The following TRIM52 variants were observed in gnomAD, a reference collection of about 807,000 sequenced individuals.
TRIM52 encodes E3 ubiquitin-protein ligase TRIM52.
In TRIM52, 24 loss-of-function variants were observed where a neutral mutation model predicts 27.0. That is an observed-to-expected ratio of 0.89 (90% CI 0.64 to 1.25). The LOEUF is 1.25. Ranked by LOEUF, TRIM52 falls within the 50% of genes most tolerant of loss-of-function variation. The pLI, the probability that TRIM52 is intolerant of heterozygous loss-of-function variation, is 0.00. For synonymous variants in TRIM52, 125 were observed against 126.5 expected, an observed-to-expected ratio of 0.99 and a Z score of 0.08; for missense variants, 351 against 354.7, an observed-to-expected ratio of 0.99 and a Z score of 0.08.
At chr5:181,249,833 T>G (rs1759597126), downstream of TRIM52, among the ~76,000 whole-genome samples, 1 of 148,964 alleles carries the variant, frequency 6.7e-6, no homozygotes, top group Non-Finnish European at 1.5e-5. Flanking sequence ...TGCAGTTTTT[T>G]TTTTTTTTTT....
Position 181,260,035 on chromosome 5 carries a change from A to G in TRIM52, c.779T>C (p.Val260Ala). 6.2e-7 allele frequency: 1 copy of G among 1,614,150 alleles called. No homozygotes were observed. Among genetic ancestry groups the G allele is most frequent in the Non-Finnish European group, 8.5e-7 (1 of 1,180,044 alleles). Reference protein sequence around the residue: ...RESRSHKQHSVLPLEEVVQEY... With the variant: ...RESRSHKQHSALPLEEVVQEY... ...CTGCACCACCTCCTCCAAAGGCAGC[A>G]CGCTGTGCTGTTTGTGGCTCCTGGA... is the stretch of plus-strand genomic sequence containing the variant. Residue 260 changes from valine (V) to alanine (A), a missense_variant, in exon 1 of 2, where the codon GTG becomes GCG. Physicochemically the swap from Val to Ala is moderately conservative, Grantham distance 64. Transcript: ENST00000688015. This position sits in a 1 kb window ranked among gnomAD's most constrained non-coding sequence, Gnocchi z 4.4.
chr5:181,254,087 G>A (rs1759695510), downstream of TRIM52, among the ~76,000 whole-genome samples: 1 of 141,378 alleles, frequency 7.1e-6, no homozygotes, highest in Admixed American at 6.8e-5. Context: ...TCAGGAGATC[G>A]AGACCATCCT....
chr5:181,259,805 G>C (rs1358771793), intron 1 of TRIM52, 196 bp downstream of exon 1: 1 of 1,261,744 alleles, frequency 7.9e-7, no homozygotes, highest in Non-Finnish European at 1.1e-6. Flanking sequence ...AAGCCAATCT[G>C]CCCCAATCTT....
intron 1 of TRIM52, chr5:181,258,632 G>A (rs1294226713): frequency 6.7e-6 from 1 of 150,360 alleles, no homozygotes; most frequent in Non-Finnish European, 1.5e-5. Context: ...ATGGGGGCAG[G>A]GGGGTGATAA....
chr5:181,260,103 G>T lies in TRIM52; in HGVS notation c.711C>A (p.Phe237Leu). The change falls in exon 1 of 2, where the codon TTC becomes TTA. Residue 237 changes from phenylalanine (F) to leucine (L), a missense_variant. Phe to Leu is a conservative substitution (Grantham distance 22). Coordinates refer to ENST00000688015, the MANE Select transcript of TRIM52 (RefSeq NM_001346048.2). This position sits in a 1 kb window ranked among gnomAD's most constrained non-coding sequence, Gnocchi z 4.4. ...CFKHQEALKL[F>L]CEVDKEAICV... ...AGATGGCCTCTTTGTCCACCTCACAGAAGAGTTTCAGGGCTTCCTGGTGTT... is the reference window on the plus strand; with the variant it reads ...AGATGGCCTCTTTGTCCACCTCACATAAGAGTTTCAGGGCTTCCTGGTGTT... The T allele has an allele frequency of 6.2e-7, 1 of 1,614,184 alleles. No individual in the cohort carries two copies. The highest frequency in any genetic ancestry group is 8.5e-7 in the Non-Finnish European group (1 of 1,180,030).
chr5:181,249,781 T>G (rs1759595425), downstream of TRIM52, among the ~76,000 whole-genome samples: 1 of 150,754 alleles, frequency 6.6e-6, no homozygotes, highest in South Asian at 2.1e-4. Context: ...TGAAATTAAA[T>G]CAGTTCCTGG....
chr5:181,256,051 G>T lies in TRIM52; in HGVS notation c.*758C>A, dbSNP rs1749304114. The T allele has an allele frequency of 6.6e-6, 1 of 152,230 alleles. No homozygotes were observed. Among genetic ancestry groups the T allele is most frequent in the African/African-American group, 2.4e-5 (1 of 41,452 alleles). 9.4% of individuals were successfully genotyped at this position (152,230 alleles called of 1,614,324 possible). A position where few individuals can be genotyped will look rare whatever the true frequency, so the allele number is the denominator to read the frequency against. ...CTGACAGCAAGGCTGAAGATTTCCA[G>T]TAGGTTATGGGTAATCAGTGAAAGT... On this transcript the variant is annotated 3_prime_UTR_variant, in exon 2 of 2. Coordinates refer to ENST00000688015, the MANE Select transcript of TRIM52 (RefSeq NM_001346048.2).
chr5:181,249,214 G>T (rs1486015480), downstream of TRIM52, among the ~76,000 whole-genome samples: 2 of 152,212 alleles, frequency 1.3e-5, no homozygotes, highest in African/African-American at 4.8e-5. Flanking sequence ...AGGCTGAGAT[G>T]CTGTACAGGA....
downstream of TRIM52, among the ~76,000 whole-genome samples, chr5:181,253,563 C>G (rs1759684493): frequency 7.0e-6 from 1 of 143,108 alleles, no homozygotes; most frequent in African/African-American, 2.9e-5. Context: ...TTGTGGTTGT[C>G]ACAACTAGTG....
chr5:181,260,537 C>T lies in TRIM52; in HGVS notation c.277G>A (p.Glu93Lys). 2 of 1,613,976 alleles carry T rather than the reference C, an allele frequency of 1.2e-6. No homozygotes were observed. Among genetic ancestry groups the T allele is most frequent in the Middle Eastern group, 3.3e-4 (2 of 6,062 alleles). Residue 93 changes from glutamate to lysine, a missense_variant, in exon 1 of 2, where the codon GAA (glutamate) becomes AAA (lysine). Physicochemically the swap from Glu to Lys is moderately conservative, Grantham distance 56 (BLOSUM62 1). Coordinates refer to ENST00000688015, the MANE Select transcript of TRIM52 (RefSeq NM_001346048.2). This position sits in a 1 kb window ranked among gnomAD's most constrained non-coding sequence, Gnocchi z 4.4. ...REVLYRGNADEELFQDQDDDE... is the reference protein window; with the variant it reads ...REVLYRGNADKELFQDQDDDE... ...TCATCTTGGTCTTGGAACAACTCTT[C>T]GTCAGCATTCCCCCGATACAACACC...
rs762923601 is a variant in TRIM52, at chr5:181,260,853, G to A, written c.-40C>T. The A allele has an allele frequency of 1.9e-6, 3 of 1,541,014 alleles. No individual in the cohort carries two copies. In the African/African-American group the frequency reaches 4.1e-5, roughly 21 times the overall value. ...GCAGGTGTAGATACGTCAGCTTGGAGCTGAGGAGCGGGGACGCGCCTGCAG... is the reference window on the plus strand; with the variant it reads ...GCAGGTGTAGATACGTCAGCTTGGAACTGAGGAGCGGGGACGCGCCTGCAG... On this transcript the variant is annotated 5_prime_UTR_variant, in exon 1 of 2. Coordinates refer to ENST00000688015, the MANE Select transcript of TRIM52 (RefSeq NM_001346048.2). This position sits in a 1 kb window ranked among gnomAD's most constrained non-coding sequence, Gnocchi z 4.4.
At position 181,260,941 on chromosome 5, in the gene TRIM52, G is replaced by T; in HGVS notation, c.-128C>A. On this transcript the variant is annotated 5_prime_UTR_variant, in exon 1 of 2. Transcript: ENST00000688015. This position sits in a 1 kb window ranked among gnomAD's most constrained non-coding sequence, Gnocchi z 4.4. Reference sequence around the variant, plus strand: ...CTCAACCTTGCTCTTCTTCCTCGGGGCCGCAGGGGAGCTTTGACCCCCTCT... The same window carrying T: ...CTCAACCTTGCTCTTCTTCCTCGGGTCCGCAGGGGAGCTTTGACCCCCTCT... 1 of 1,376,900 alleles carries T rather than the reference G, an allele frequency of 7.3e-7. No homozygotes were observed. Among genetic ancestry groups the T allele is most frequent in the Non-Finnish European group, 9.6e-7 (1 of 1,043,406 alleles). 85.3% of individuals were successfully genotyped at this position (1,376,900 alleles called of 1,614,324 possible).
At chr5:181,250,101 T>C (rs1759603376), downstream of TRIM52, among the ~76,000 whole-genome samples, 1 of 149,936 alleles carries the variant, frequency 6.7e-6, no homozygotes, top group African/African-American at 2.5e-5. Context: ...GGCAGAAGTC[T>C]GACGTCTAGC....
At chr5:181,257,260 G>GTCTAT in intron 1 of TRIM52, 2 of 1,293,584 alleles carry the variant, frequency 1.5e-6, no homozygotes, top group Non-Finnish European at 2.0e-6. Context: ...AGGCTTTCTG[G>GTCTAT]GCCAAAAAGC....
At chr5:181,254,774 G>C (rs1759715317), downstream of TRIM52, 1 of 152,388 alleles carries the variant, frequency 6.6e-6, no homozygotes, top group Non-Finnish European at 1.5e-5. Flanking sequence ...AAAATATGGA[G>C]TCAGTGAAAC....
At position 181,261,099 on chromosome 5, in the gene TRIM52, G is replaced by C; in HGVS notation, c.-286C>G. 1.4e-5 allele frequency: 5 copies of C among 369,392 alleles called. No homozygotes were observed. The highest frequency in any genetic ancestry group is 2.5e-5 in the Non-Finnish European group (5 of 203,748). The allele number at this position is 369,392 out of a possible 1,614,324, so 22.9% of individuals were successfully genotyped here. ...CCCTCAGGGTGTGCCCTACACTGCG[G>C]CGTCCGCCTCAGATGCAGCCGCTGG... On this transcript the variant is annotated 5_prime_UTR_variant, in exon 1 of 2. Coordinates refer to ENST00000688015, the MANE Select transcript of TRIM52 (RefSeq NM_001346048.2).
chr5:181,252,785 G>A (rs1254941481), downstream of TRIM52, among the ~76,000 whole-genome samples: 5 of 152,120 alleles, frequency 3.3e-5, no homozygotes, highest in African/African-American at 7.2e-5. Flanking sequence ...GTGGTTCTGC[G>A]TAATACCTGA....
chr5:181,251,744 C>T (rs1164703064), downstream of TRIM52, among the ~76,000 whole-genome samples: 1 of 152,178 alleles, frequency 6.6e-6, no homozygotes. Flanking sequence ...ACTGTTAGTT[C>T]TCATGGTCTG....
intron 1 of TRIM52, chr5:181,257,275 T>C (rs1759822177): frequency 1.5e-6 from 2 of 1,299,440 alleles, no homozygotes; most frequent in Non-Finnish European, 2.0e-6. Flanking sequence ...AAAAGCCTCT[T>C]CTTACAGAAA....
Sources: allele counts gnomAD v4.1 joint callset (sites outside exome capture counted in the v4.1 genomes callset), GRCh38; gene constraint gnomAD v4.1.1; non-coding constraint Gnocchi (gnomAD v3.1); transcripts MANE v1.5; gene names NCBI Gene and HGNC (gene_info 2026-07-23, HGNC 2026-07-21).